ADAMTSL1: variants seen among roughly 807,000 people sequenced by gnomAD.
ADAMTSL1 encodes ADAMTS-like protein 1.
A neutral mutation model predicts 201.8 loss-of-function variants in ADAMTSL1; 126 were observed. The ratio of observed to expected loss-of-function variants is 0.62; its 90% confidence interval spans 0.54 to 0.72. The LOEUF is 0.72. Among genes scored for constraint, ADAMTSL1 ranks in the 30% least tolerant of loss-of-function variants. The probability of loss-of-function intolerance (pLI) is 0.00; values close to 1 mark genes in which losing one functional copy is unlikely to be tolerated. For missense variants in ADAMTSL1, 2,679 were observed against 2,277.8 expected, an observed-to-expected ratio of 1.18 and a Z score of -3.59; for synonymous variants, 1,121 against 903.4, an observed-to-expected ratio of 1.24 and a Z score of -4.32.
intron 1 of ADAMTSL1, among the ~76,000 whole-genome samples, chr9:18,102,537 A>C (rs962437879): frequency 1.3e-5 from 2 of 152,214 alleles, no homozygotes; most frequent in African/African-American, 4.8e-5. Flanking sequence ...AGAAAGGTCC[A>C]CAAAAGAGTT....
intron 19 of ADAMTSL1, among the ~76,000 whole-genome samples, chr9:18,781,378 T>C (rs532146037): frequency 6.6e-6 from 1 of 152,342 alleles, no homozygotes; most frequent in Admixed American, 6.5e-5. Flanking sequence ...GTTAATGGCA[T>C]GTGGTAAGGA....
intron 26 of ADAMTSL1, among the ~76,000 whole-genome samples, chr9:18,902,255 A>G (rs1830055383): frequency 6.6e-6 from 1 of 152,202 alleles, no homozygotes; most frequent in Non-Finnish European, 1.5e-5. Context: ...CTATAAACCA[A>G]TTGGAGCAAC....
chr9:17,960,674 C>T (rs562212807), intron 1 of ADAMTSL1, among the ~76,000 whole-genome samples: 3 of 152,174 alleles, frequency 2.0e-5, no homozygotes, highest in African/African-American at 7.2e-5. Context: ...GCCCAGTGGG[C>T]AAGAAAGATG....
At chr9:18,604,296 C>T (rs28736826) in intron 4 of ADAMTSL1, among the ~76,000 whole-genome samples, 1 of 152,092 alleles carries the variant, frequency 6.6e-6, no homozygotes, top group African/African-American at 2.4e-5. Context: ...GTTATTAGCA[C>T]AAAGCAAGGA....
At chr9:18,480,785 G>A (rs914265767) in intron 1 of ADAMTSL1, among the ~76,000 whole-genome samples, 2 of 152,212 alleles carry the variant, frequency 1.3e-5, no homozygotes, top group African/African-American at 4.8e-5. Context: ...CTGCATACCT[G>A]AAGTGTGATA....
intron 3 of ADAMTSL1, among the ~76,000 whole-genome samples, chr9:18,555,261 C>G (rs543943417): frequency 7.2e-5 from 11 of 151,998 alleles, no homozygotes; most frequent in Non-Finnish European, 1.5e-4. Flanking sequence ...AGTTCAACAC[C>G]ACCAGAAACT....
chr9:18,257,127 T>G (rs752340987), intron 2 of ADAMTSL1, among the ~76,000 whole-genome samples: 44 of 152,208 alleles, frequency 2.9e-4, no homozygotes, highest in Non-Finnish European at 5.4e-4. Flanking sequence ...TCAAATATAA[T>G]AAAATATCAA....
Position 18,394,108 on chromosome 9 carries a change from G to A in ADAMTSL1, c.208-110721G>A, listed in dbSNP as rs547954056. ...TGGCATAAGATGATGGTTACGCAGC[G>A]AAAGCAGAGCCATAAAGAGATTGTT... On this transcript the variant is annotated intron_variant, in intron 2 of 29. Transcript: ENST00000680146. 7.2e-5 allele frequency among the ~76,000 whole-genome samples: 11 copies of A among 152,264 alleles called. No individual in the cohort carries two copies. The South Asian group carries it at 1.9e-3, about 26-fold the overall frequency.
At chr9:18,235,793 C>G (rs897745609) in intron 2 of ADAMTSL1, among the ~76,000 whole-genome samples, 1 of 152,124 alleles carries the variant, frequency 6.6e-6, no homozygotes, top group Non-Finnish European at 1.5e-5. Context: ...GCTCAAGATA[C>G]AGTAGAAAGG....
At chr9:18,852,838 C>T (rs1337470867) in intron 23 of ADAMTSL1, among the ~76,000 whole-genome samples, 1 of 151,926 alleles carries the variant, frequency 6.6e-6, no homozygotes, top group African/African-American at 2.4e-5. Flanking sequence ...AGTTTGTAAA[C>T]TGTAAAGTAC....
chr9:18,757,986 T>A (rs534809827), intron 16 of ADAMTSL1, among the ~76,000 whole-genome samples: 2 of 152,230 alleles, frequency 1.3e-5, no homozygotes, highest in Non-Finnish European at 2.9e-5. Context: ...TTAACTTACT[T>A]AATCCTCACT....
chr9:18,298,695 A>AT (rs1172090184), intron 2 of ADAMTSL1, among the ~76,000 whole-genome samples: 1 of 151,376 alleles, frequency 6.6e-6, no homozygotes, highest in Non-Finnish European at 1.5e-5. Flanking sequence ...AAAGGCTGGA[A>AT]GTAAGCAGTT....
chr9:18,832,148 T>A (rs547869231), intron 23 of ADAMTSL1, among the ~76,000 whole-genome samples: 1 of 152,250 alleles, frequency 6.6e-6, no homozygotes, highest in East Asian at 1.9e-4. Flanking sequence ...CCACAGCTTG[T>A]CCATTCAGAT....
chr9:18,825,895 C>T (rs538000458), intron 21 of ADAMTSL1, among the ~76,000 whole-genome samples: 91 of 152,182 alleles, frequency 6.0e-4, no homozygotes, highest in African/African-American at 2.0e-3. Context: ...ATTTGGTTCT[C>T]ATGTTTTTCA....
At chr9:18,746,414 A>G (rs534732642) in intron 15 of ADAMTSL1, among the ~76,000 whole-genome samples, 28 of 152,322 alleles carry the variant, frequency 1.8e-4, no homozygotes, top group Admixed American at 1.6e-3. Flanking sequence ...ATTCTAAGGG[A>G]AACAAATATC....
At chr9:18,740,057 C>A (rs957074059) in intron 15 of ADAMTSL1, among the ~76,000 whole-genome samples, 1 of 152,174 alleles carries the variant, frequency 6.6e-6, no homozygotes, top group Admixed American at 6.5e-5. Flanking sequence ...ATGGCTTCAT[C>A]TTTTGCATTC....
chr9:18,636,648 T>C (rs916062250), intron 6 of ADAMTSL1, among the ~76,000 whole-genome samples: 13 of 152,154 alleles, frequency 8.5e-5, no homozygotes, highest in African/African-American at 3.1e-4. Context: ...CAAAAATTGA[T>C]CTTCAATCAT....
At chr9:18,670,398 G>A (rs1024592655) in intron 9 of ADAMTSL1, among the ~76,000 whole-genome samples, 1 of 152,186 alleles carries the variant, frequency 6.6e-6, no homozygotes, top group African/African-American at 2.4e-5. Context: ...CAGGATGGAA[G>A]CATAGTCACT....
intron 2 of ADAMTSL1, among the ~76,000 whole-genome samples, chr9:18,453,735 T>C (rs944874496): frequency 2.0e-5 from 3 of 152,156 alleles, no homozygotes; most frequent in Non-Finnish European, 2.9e-5. Flanking sequence ...GCCAATTTCT[T>C]GGCCACTTAT....
Sources: gnomAD v4.1 joint callset for allele counts (sites outside exome capture counted in the v4.1 genomes callset) on GRCh38, gnomAD v4.1.1 for gene constraint, MANE v1.5 for transcripts, NCBI Gene and HGNC (gene_info 2026-07-23, HGNC 2026-07-21) for gene names.